Variants in PDE10A observed in about 807,000 individuals in gnomAD.
The protein encoded by PDE10A is phosphodiesterase 10A.
In PDE10A, 39 loss-of-function variants were observed where a neutral mutation model predicts 97.7. That is an observed-to-expected ratio of 0.40 (90% CI 0.31 to 0.52). The LOEUF is 0.52. Ranked by LOEUF, PDE10A falls within the 20% of genes least tolerant of loss-of-function variation. PDE10A has a pLI of 0.56. For missense variants in PDE10A, 731 were observed against 1,047.8 expected (o/e 0.70, Z 4.17); for synonymous variants, 371 against 376.8 (o/e 0.98, Z 0.18).
intron 1 of PDE10A, among the ~76,000 whole-genome samples, chr6:165,814,048 G>A (rs1779346728): frequency 6.6e-6 from 1 of 152,206 alleles, no homozygotes; most frequent in African/African-American, 2.4e-5. Context: ...GAGTAGGGTG[G>A]ATGAAGCAAA....
chr6:165,530,106 A>C (rs1295778181), intron 2 of PDE10A, among the ~76,000 whole-genome samples: 1 of 152,084 alleles, frequency 6.6e-6, no homozygotes, highest in African/African-American at 2.4e-5. Flanking sequence ...CCCAGCCTAC[A>C]TCTTTCTCCC....
chr6:165,626,082 A>G (rs939587067), intron 1 of PDE10A, among the ~76,000 whole-genome samples: 1 of 152,092 alleles, frequency 6.6e-6, no homozygotes, highest in Non-Finnish European at 1.5e-5. Context: ...GAAGGACAAA[A>G]CCCAACTCAA....
At position 165,681,414 on chromosome 6, in the gene PDE10A, GTGTGTGTGTGTGTGTC is replaced by G. The variant is rs796907718; in HGVS notation, c.-614-137862_-614-137847del. On this transcript the variant is annotated intron_variant, in intron 1 of 19. Transcript: ENST00000366882. ...GGAAAATGTGTGTGTGTGTGTGTGT[GTGTGTGTGTGTGTGTC>G]TGTGTGCATTTTCCCTTAAAGCAAT... Among the ~76,000 whole-genome samples the G allele has an allele frequency of 7.4e-3, 1,121 of 151,444 alleles. 17 individuals carry two copies. Among genetic ancestry groups the G allele is most frequent in the African/African-American group, 0.026 (1,062 of 41,042 alleles).
chr6:165,650,390 G>A (rs926836016), intron 1 of PDE10A, among the ~76,000 whole-genome samples: 19 of 150,916 alleles, frequency 1.3e-4, no homozygotes, highest in Admixed American at 1.2e-3. Flanking sequence ...TCCCTTTACC[G>A]CCCAGCAAGT....
chr6:165,687,050 C>A (rs1489480335), intron 1 of PDE10A, among the ~76,000 whole-genome samples: 1 of 152,250 alleles, frequency 6.6e-6, no homozygotes, highest in Non-Finnish European at 1.5e-5. Flanking sequence ...GGGGAGAGAC[C>A]TGGTAAAGTG....
chr6:165,853,156 C>A lies in PDE10A; in HGVS notation c.-615+134373G>T, dbSNP rs9347093. 1.9e-3 allele frequency among the ~76,000 whole-genome samples: 282 copies of A among 152,342 alleles called. 6 individuals are homozygous for A. In the East Asian group the frequency reaches 0.042, roughly 22 times the overall value. On this transcript the variant is annotated intron_variant, in intron 1 of 19. Transcript: ENST00000366882. ...CTTCTCCACAGTCCCGGAGCGGGTA[C>A]CTCCTTCTGCAATTGAGGACGAGGC...
At chr6:165,897,760 T>C (rs1357208129) in intron 1 of PDE10A, among the ~76,000 whole-genome samples, 1 of 151,780 alleles carries the variant, frequency 6.6e-6, no homozygotes, top group Non-Finnish European at 1.5e-5. Flanking sequence ...TGCCTGTGGG[T>C]GCCTTTTCTC....
At chr6:165,924,408 G>T (rs1782861166) in intron 1 of PDE10A, among the ~76,000 whole-genome samples, 1 of 151,874 alleles carries the variant, frequency 6.6e-6, no homozygotes, top group Admixed American at 6.6e-5. Context: ...TACAGTTCAT[G>T]GTTTCCATGT....
chr6:165,551,549 A>T (rs1307626949), intron 1 of PDE10A, among the ~76,000 whole-genome samples: 2 of 152,206 alleles, frequency 1.3e-5, no homozygotes, highest in African/African-American at 4.8e-5. Flanking sequence ...AGGAAAATGA[A>T]GCAAAGAGAA....
At chr6:165,519,895 C>T (rs1395183873) in intron 2 of PDE10A, among the ~76,000 whole-genome samples, 2 of 152,132 alleles carry the variant, frequency 1.3e-5, no homozygotes, top group African/African-American at 4.8e-5. Flanking sequence ...TGCCTAAGTC[C>T]TATCTGACAG....
chr6:165,600,609 C>T (rs1180878506), intron 1 of PDE10A, among the ~76,000 whole-genome samples: 2 of 152,204 alleles, frequency 1.3e-5, no homozygotes, highest in African/African-American at 4.8e-5. Flanking sequence ...AGCATCTAGT[C>T]ACCTTTCCGG....
At chr6:165,756,658 T>G (rs774814206) in intron 1 of PDE10A, among the ~76,000 whole-genome samples, 1 of 152,216 alleles carries the variant, frequency 6.6e-6, no homozygotes, top group Non-Finnish European at 1.5e-5. Context: ...TCTTTGCTGT[T>G]GCAGACAGTA....
chr6:165,407,460 G>A (rs1032132476), intron 13 of PDE10A, among the ~76,000 whole-genome samples: 7 of 152,088 alleles, frequency 4.6e-5, no homozygotes, highest in Admixed American at 1.3e-4. Context: ...AAGAGATTTC[G>A]TATGTAAAGT....
chr6:165,867,779 T>A (rs1310049344), intron 1 of PDE10A, among the ~76,000 whole-genome samples: 1 of 152,034 alleles, frequency 6.6e-6, no homozygotes, highest in African/African-American at 2.4e-5. Flanking sequence ...TGTTAGGCTG[T>A]AATACAAGTC....
chr6:165,500,363 A>G (rs1780797257), intron 2 of PDE10A, among the ~76,000 whole-genome samples: 1 of 152,200 alleles, frequency 6.6e-6, no homozygotes, highest in Non-Finnish European at 1.5e-5. Context: ...GTTCTGTACT[A>G]GAAAAATTCT....
Position 165,331,925 on chromosome 6 carries a change from C to G in PDE10A, c.*1100G>C, listed in dbSNP as rs1486596124. ...CTGTTTCTGTGCTATGGACAGAAAG[C>G]TCATGAAATACGACCGTGCAGTACG... On this transcript the variant is annotated 3_prime_UTR_variant, in exon 22 of 22. Coordinates refer to ENST00000539869, the MANE Select transcript of PDE10A (RefSeq NM_001385079.1). 2 of 152,092 alleles carry G rather than the reference C, an allele frequency of 1.3e-5. No homozygotes were observed. The highest frequency in any genetic ancestry group is 2.9e-5 in the Non-Finnish European group (2 of 68,020). 9.4% of individuals were successfully genotyped at this position (152,092 alleles called of 1,614,324 possible). A position where few individuals can be genotyped will look rare whatever the true frequency, so the allele number is the denominator to read the frequency against.
chr6:165,389,238 G>C (rs1420232101), intron 16 of PDE10A, among the ~76,000 whole-genome samples: 1 of 152,214 alleles, frequency 6.6e-6, no homozygotes. Context: ...TAGCAGAGCA[G>C]TGTTACCATC....
chr6:165,352,332 C>T (rs1782743515), intron 18 of PDE10A, among the ~76,000 whole-genome samples: 1 of 152,090 alleles, frequency 6.6e-6, no homozygotes, highest in South Asian at 2.1e-4. Flanking sequence ...GCCAAGTCTG[C>T]CATTTATTTC....
chr6:165,518,438 G>A lies in PDE10A; in HGVS notation c.994+25002C>T, dbSNP rs534792520. Among the ~76,000 whole-genome samples the A allele has an allele frequency of 1.1e-4, 17 of 152,268 alleles. No individual in the cohort carries two copies. The South Asian group carries it at 2.7e-3, about 24-fold the overall frequency. ...CACTGGCCAGCTCCATTCTGCCCAC[G>A]ACATGAATTTTCCCTTTGTCCAGAG... On this transcript the variant is annotated intron_variant, in intron 2 of 21. Transcript: ENST00000539869.
Sources: gnomAD v4.1 joint callset for allele counts (sites outside exome capture counted in the v4.1 genomes callset) on GRCh38, gnomAD v4.1.1 for gene constraint, MANE v1.5 for transcripts, NCBI Gene and HGNC (gene_info 2026-07-23, HGNC 2026-07-21) for gene names.